The following MYO3A variants were observed in gnomAD, a reference collection of about 807,000 sequenced individuals.
MYO3A encodes myosin IIIA.
A neutral mutation model predicts 192.7 loss-of-function variants in MYO3A; 180 were observed. That is an observed-to-expected ratio of 0.93 (90% CI 0.83 to 1.06). The LOEUF is 1.06. MYO3A is among the 50% of genes least tolerant of loss of function. MYO3A has a pLI of 0.00. For synonymous variants in MYO3A, 628 were observed against 645.3 expected (o/e 0.97, Z 0.41); for missense variants, 1,896 against 1,905.0 (o/e 1.00, Z 0.09).
chr10:26,109,723 A>G (rs1294312773), intron 17 of MYO3A, among the ~76,000 whole-genome samples: 1 of 152,226 alleles, frequency 6.6e-6, no homozygotes, highest in Admixed American at 6.5e-5. Flanking sequence ...TCCTTAACCA[A>G]GAGAAATTCA....
chr10:25,944,513 A>G (rs1338440214), intron 2 of MYO3A, among the ~76,000 whole-genome samples: 1 of 152,024 alleles, frequency 6.6e-6, no homozygotes, highest in Non-Finnish European at 1.5e-5. Context: ...TTCACCAGTG[A>G]AGTGATCTGG....
intron 10 of MYO3A, among the ~76,000 whole-genome samples, chr10:26,044,216 A>G (rs967878362): frequency 1.3e-5 from 2 of 151,950 alleles, no homozygotes; most frequent in Non-Finnish European, 2.9e-5. Context: ...TTTACTCTTA[A>G]CTCTCCTCTT....
chr10:25,994,824 G>T (rs1332103656), intron 4 of MYO3A, among the ~76,000 whole-genome samples: 2 of 152,176 alleles, frequency 1.3e-5, no homozygotes, highest in East Asian at 1.9e-4. Flanking sequence ...CTTTAAGAAT[G>T]TTGAATATTG....
chr10:26,042,764 C>A (rs1317588218), intron 10 of MYO3A, among the ~76,000 whole-genome samples: 3 of 152,268 alleles, frequency 2.0e-5, no homozygotes, highest in Middle Eastern at 6.8e-3. Context: ...ATTTTGAATT[C>A]TTTGTCTAAA....
In MYO3A at chr10:26,024,009, C is replaced by G; in HGVS notation, c.732-13C>G. The G allele has an allele frequency of 1.2e-6, 2 of 1,609,342 alleles. No homozygotes were observed. The highest frequency in any genetic ancestry group is 1.7e-4 in the Middle Eastern group (1 of 6,048). ...CAATATACAGAATCCAACATTGATTCTTATTTTTCTAGGAATCCACCCCCA... is the reference window on the plus strand; with the variant it reads ...CAATATACAGAATCCAACATTGATTGTTATTTTTCTAGGAATCCACCCCCA... On this transcript the variant is annotated splice_polypyrimidine_tract_variant and intron_variant, in intron 8 of 34. Coordinates refer to ENST00000642920, the MANE Select transcript of MYO3A (RefSeq NM_017433.5).
At chr10:26,078,130 CTTT>C (rs57336459) in intron 14 of MYO3A, among the ~76,000 whole-genome samples, 42 of 122,304 alleles carry the variant, frequency 3.4e-4, no homozygotes, top group Non-Finnish European at 5.6e-4. Context: ...TGGTCCTGGA[CTTT>C]TTTTTTTTTT....
chr10:26,210,608 A>C (rs1844179795), intron 34 of MYO3A, among the ~76,000 whole-genome samples: 1 of 152,208 alleles, frequency 6.6e-6, no homozygotes, highest in Non-Finnish European at 1.5e-5. Context: ...TCCTGTTATG[A>C]GTGATTCCTC....
At chr10:25,993,959 C>T (rs564228998) in intron 4 of MYO3A, among the ~76,000 whole-genome samples, 4 of 152,188 alleles carry the variant, frequency 2.6e-5, no homozygotes, top group East Asian at 1.9e-4. Flanking sequence ...GGCATAGGTG[C>T]GGTGTGGTTC....
chr10:26,189,837 G>A (rs766631882), intron 31 of MYO3A, among the ~76,000 whole-genome samples: 1 of 152,042 alleles, frequency 6.6e-6, no homozygotes, highest in Non-Finnish European at 1.5e-5. Flanking sequence ...AGGCTGAGGC[G>A]AGATCACCTG....
intron 20 of MYO3A, among the ~76,000 whole-genome samples, chr10:26,136,113 T>C (rs1040874159): frequency 6.6e-6 from 1 of 152,114 alleles, no homozygotes; most frequent in African/African-American, 2.4e-5. Flanking sequence ...TCTCCAGTGA[T>C]CTGTACAAAG....
chr10:26,173,038 G>T (rs1303553717), intron 29 of MYO3A, among the ~76,000 whole-genome samples: 2 of 148,556 alleles, frequency 1.3e-5, no homozygotes, highest in Non-Finnish European at 3.0e-5. Flanking sequence ...CTCTTGTAAG[G>T]GTTTTGCCTT....
At chr10:25,995,062 G>A (rs12263841) in intron 4 of MYO3A, among the ~76,000 whole-genome samples, 14,474 of 152,122 alleles carry the variant, frequency 0.095, 1,222 homozygotes, top group African/African-American at 0.22. Flanking sequence ...GTCCTGCCTT[G>A]CTTGGTTGGG....
intron 2 of MYO3A, among the ~76,000 whole-genome samples, chr10:25,949,523 G>T (rs955370113): frequency 2.0e-5 from 3 of 152,236 alleles, no homozygotes; most frequent in Non-Finnish European, 4.4e-5. Flanking sequence ...CACTGATTAT[G>T]AAATTGTTAA....
In MYO3A at chr10:26,096,598, A is replaced by G. The variant is rs145444024; in HGVS notation, c.1692A>G (p.Val564=). ...TACAAAATGACCACCTCAGAACAGT[A>G]CAAGACATCATGAATAATAGTTTCT... The part of the protein sequence containing the change: ...RYLQNDHLRT[V]QDIMNNSFYK... Residue 564 remains valine (V), a synonymous_variant, in exon 17 of 35, where the codon GTA becomes GTG. Coordinates refer to ENST00000642920, the MANE Select transcript of MYO3A (RefSeq NM_017433.5). 1 of 1,605,476 alleles carries G rather than the reference A, an allele frequency of 6.2e-7. No homozygotes were observed. Among genetic ancestry groups the G allele is most frequent in the Non-Finnish European group, 8.5e-7 (1 of 1,172,220 alleles).
intron 4 of MYO3A, among the ~76,000 whole-genome samples, chr10:25,956,900 A>G (rs181830847): frequency 5.0e-4 from 76 of 151,972 alleles, no homozygotes; most frequent in African/African-American, 1.8e-3. Flanking sequence ...CCCACCCTCT[A>G]CCATCAGGTA....
chr10:26,144,253 G>A (rs1465156040), intron 21 of MYO3A, among the ~76,000 whole-genome samples: 1 of 151,820 alleles, frequency 6.6e-6, no homozygotes, highest in East Asian at 1.9e-4. Flanking sequence ...AAAAAAAAAT[G>A]TTTTTAAACG....
intron 14 of MYO3A, among the ~76,000 whole-genome samples, chr10:26,084,809 C>G (rs767651042): frequency 1.3e-5 from 2 of 152,220 alleles, no homozygotes; most frequent in Non-Finnish European, 2.9e-5. Flanking sequence ...CCTGGCCTAG[C>G]TCTACTTTTT....
rs148069836 is a variant in MYO3A, at chr10:26,203,004, G to A, written c.4627G>A (p.Glu1543Lys). ...AGATTTGGAAGATTTCTATTATAAG[G>A]AATTTTTGCCCAGTCGTTCTGGACC... ...LLDLEDFYYK[E>K]FLPSRSGPKE... Residue 1543 changes from glutamate (E) to lysine (K), a missense_variant, in exon 34 of 35, where the codon GAA (glutamate) becomes AAA (lysine). Coordinates refer to ENST00000642920, the MANE Select transcript of MYO3A (RefSeq NM_017433.5). 42 of 1,613,754 alleles carry A rather than the reference G, an allele frequency of 2.6e-5. No individual in the cohort carries two copies. In the African/African-American group the frequency reaches 5.5e-4, roughly 21 times the overall value.
rs1999240 is a variant in MYO3A at position 26,174,201 on chromosome 10, C to T, written c.3937C>T (p.Arg1313Cys). 3.1e-6 allele frequency: 5 copies of T among 1,613,894 alleles called. No individual in the cohort carries two copies. Among genetic ancestry groups the T allele is most frequent in the Non-Finnish European group, 4.2e-6 (5 of 1,180,022 alleles). ...AAAGAAGACATCTGTAGTTACCCAG[C>T]GTGCACCGATATGCAGCCAGGAGGA... Reference protein sequence around the residue: ...KEKKTSVVTQRAPICSQEEGR... With the variant: ...KEKKTSVVTQCAPICSQEEGR... The change falls in exon 30 of 35, where the codon CGT becomes TGT. Residue 1313 changes from arginine to cysteine, a missense_variant. By Grantham distance (180) the Arg-to-Cys change is radical (BLOSUM62 -3). Coordinates refer to ENST00000642920, the MANE Select transcript of MYO3A (RefSeq NM_017433.5).
Sources: allele counts gnomAD v4.1 joint callset (sites outside exome capture counted in the v4.1 genomes callset), GRCh38; gene constraint gnomAD v4.1.1; transcripts MANE v1.5; gene names NCBI Gene and HGNC (gene_info 2026-07-23, HGNC 2026-07-21).